The following LRRC38 variants were observed in gnomAD, a reference collection of about 807,000 sequenced individuals.
The protein encoded by LRRC38 is leucine rich repeat containing 38.
A neutral mutation model predicts 16.4 loss-of-function variants in LRRC38; 5 were observed. The observed-to-expected ratio is 0.31, with a 90% confidence interval of 0.16 to 0.64. The LOEUF is 0.64. LRRC38 is among the 30% of genes least tolerant of loss of function. LRRC38 has a pLI of 0.80. For synonymous variants in LRRC38, 191 were observed against 190.2 expected, an observed-to-expected ratio of 1.00 and a Z score of -0.04; for missense variants, 341 against 401.8, an observed-to-expected ratio of 0.85 and a Z score of 1.29.
chr1:13,498,483 T>TA (rs1360488630), intron 1 of LRRC38, among the ~76,000 whole-genome samples: 2 of 151,748 alleles, frequency 1.3e-5, no homozygotes, highest in African/African-American at 4.8e-5. Flanking sequence ...ATACAAAAAT[T>TA]ACCCAGGCGT....
At chr1:13,507,361 T>G (rs1197033897) in intron 1 of LRRC38, among the ~76,000 whole-genome samples, 1 of 151,988 alleles carries the variant, frequency 6.6e-6, no homozygotes, top group Non-Finnish European at 1.5e-5. Context: ...AGGACAGAGG[T>G]CACTTGCATG....
intron 1 of LRRC38, among the ~76,000 whole-genome samples, chr1:13,491,234 C>CCACAACA (rs1250897475): frequency 6.6e-6 from 1 of 152,220 alleles, no homozygotes; most frequent in African/African-American, 2.4e-5. Flanking sequence ...AAGACAGCAC[C>CCACAACA]CACAACACAG....
intron 1 of LRRC38, among the ~76,000 whole-genome samples, chr1:13,480,600 C>T (rs1341026441): frequency 2.0e-5 from 3 of 152,150 alleles, no homozygotes; most frequent in African/African-American, 4.8e-5. Flanking sequence ...AATTGAATCA[C>T]GGGGTTGGTA....
At chr1:13,509,935 CT>C (rs1387607241) in intron 1 of LRRC38, among the ~76,000 whole-genome samples, 1 of 152,170 alleles carries the variant, frequency 6.6e-6, no homozygotes, top group Non-Finnish European at 1.5e-5. Context: ...CCTCAGCCCC[CT>C]ACCCCCAGGC....
chr1:13,490,254 G>A (rs1638993832), intron 1 of LRRC38, among the ~76,000 whole-genome samples: 1 of 152,088 alleles, frequency 6.6e-6, no homozygotes, highest in Non-Finnish European at 1.5e-5. Flanking sequence ...CGCCTCTCGG[G>A]TTCAAGCGAT....
In LRRC38 at chr1:13,475,809, G is replaced by T. The variant is rs200048884; in HGVS notation, c.*37C>A. 1 of 1,538,734 alleles carries T rather than the reference G, an allele frequency of 6.5e-7. No individual in the cohort carries two copies. The highest frequency in any genetic ancestry group is 1.4e-5 in the African/African-American group (1 of 72,858). Reference sequence around the variant, plus strand: ...TCGTCTTGGAGAGAGCTTCTGGTTCGGTGCTGGAGAGTAAGAGGCAGGAGG... The same window carrying T: ...TCGTCTTGGAGAGAGCTTCTGGTTCTGTGCTGGAGAGTAAGAGGCAGGAGG... On this transcript the variant is annotated 3_prime_UTR_variant, in exon 2 of 2. Coordinates refer to ENST00000376085, the MANE Select transcript of LRRC38 (RefSeq NM_001010847.2). This position sits in a 1 kb window ranked among gnomAD's most constrained non-coding sequence, Gnocchi z 4.3.
chr1:13,497,306 T>C (rs1485458498), intron 1 of LRRC38, among the ~76,000 whole-genome samples: 1 of 152,140 alleles, frequency 6.6e-6, no homozygotes, highest in Admixed American at 6.5e-5. Flanking sequence ...TTTTAACAAG[T>C]GTTTAATGCA....
At chr1:13,477,840 A>G (rs993225404) in intron 1 of LRRC38, among the ~76,000 whole-genome samples, 1 of 152,202 alleles carries the variant, frequency 6.6e-6, no homozygotes, top group Non-Finnish European at 1.5e-5. Flanking sequence ...AAATGTTGGG[A>G]AAGAGCTCAG....
chr1:13,513,176 GGTT>G lies in LRRC38; in HGVS notation c.415_417del (p.Asn139del). ...AAGGCGTCCTCGTGCACGCCCACCA[GGTT>G]GTTGTTAGCCAGGCTAAGCTTCACC... On this transcript the variant is annotated inframe_deletion, in exon 1 of 2. Transcript: ENST00000376085. 2 of 1,550,540 alleles carry G rather than the reference GGTT, an allele frequency of 1.3e-6. No homozygotes were observed. The highest frequency in any genetic ancestry group is 1.7e-6 in the Non-Finnish European group (2 of 1,146,960).
In LRRC38 at chr1:13,512,022, C is replaced by T. The variant is rs947744524; in HGVS notation, c.631+941G>A. Among the ~76,000 whole-genome samples, 11 of 152,208 alleles carry T rather than the reference C, an allele frequency of 7.2e-5. 1 individual carries two copies. Among genetic ancestry groups the T allele is most frequent in the Admixed American group, 3.3e-4 (5 of 15,278 alleles). On this transcript the variant is annotated intron_variant, in intron 1 of 1. Transcript: ENST00000376085. ...ATGATGTGCGCCTTGCAGCTGTGGTCCCAATTCTGCTGAAATCTTGGGAGC... is the reference window on the plus strand; with the variant it reads ...ATGATGTGCGCCTTGCAGCTGTGGTTCCAATTCTGCTGAAATCTTGGGAGC...
chr1:13,494,462 ACTCT>A (rs1191550993), intron 1 of LRRC38, among the ~76,000 whole-genome samples: 1 of 137,700 alleles, frequency 7.3e-6, no homozygotes, highest in Non-Finnish European at 1.5e-5. Flanking sequence ...TTTTACAGGG[ACTCT>A]CTCTCTGGCC....
intron 1 of LRRC38, 40 bp downstream of exon 1, chr1:13,512,923 C>T (rs1241466680): frequency 8.1e-7 from 1 of 1,238,394 alleles, no homozygotes; most frequent in Non-Finnish European, 1.1e-6. Flanking sequence ...CTCTCCCTGC[C>T]CCCCTCCCTC....
At chr1:13,502,478 C>T (rs1186204112) in intron 1 of LRRC38, among the ~76,000 whole-genome samples, 1 of 152,120 alleles carries the variant, frequency 6.6e-6, no homozygotes, top group Non-Finnish European at 1.5e-5. Context: ...CTGACTCCTG[C>T]ACACACAAAT....
At chr1:13,500,525 T>C (rs181667033) in intron 1 of LRRC38, among the ~76,000 whole-genome samples, 25 of 152,312 alleles carry the variant, frequency 1.6e-4, no homozygotes, top group Non-Finnish European at 7.3e-5. Context: ...CTGTCTCTTA[T>C]TTACCTATGA....
Position 13,495,720 on chromosome 1 carries a change from G to A in LRRC38, c.631+17243C>T, listed in dbSNP as rs545660605. On this transcript the variant is annotated intron_variant, in intron 1 of 1. Coordinates refer to ENST00000376085, the MANE Select transcript of LRRC38 (RefSeq NM_001010847.2). ...TTTGGACTCTGCTTGAATGCCCCTG[G>A]TGATGGCAACCTCATTACCTCCCAA... Among the ~76,000 whole-genome samples, 21 of 152,072 alleles carry A rather than the reference G, an allele frequency of 1.4e-4. 1 individual carries two copies. The highest frequency in any genetic ancestry group is 1.2e-3 in the Admixed American group (19 of 15,258).
At chr1:13,490,203 C>G (rs1638992331) in intron 1 of LRRC38, among the ~76,000 whole-genome samples, 2 of 152,142 alleles carry the variant, frequency 1.3e-5, no homozygotes, top group African/African-American at 4.8e-5. Flanking sequence ...GTCGCCCAGG[C>G]TGGAGTACAG....
rs530871469 is a variant in LRRC38 at position 13,481,619 on chromosome 1, C to T, written c.632-5520G>A. 5.2e-4 allele frequency among the ~76,000 whole-genome samples: 79 copies of T among 151,406 alleles called. 1 individual carries two copies. Among genetic ancestry groups the T allele is most frequent in the East Asian group, 1.4e-3 (7 of 5,090 alleles). Reference sequence around the variant, plus strand: ...ACCGTGTTAGCCAGGATTGTCTCCACCTCCTGACCTTGTGATCCGCCCGCC... The same window carrying T: ...ACCGTGTTAGCCAGGATTGTCTCCATCTCCTGACCTTGTGATCCGCCCGCC... On this transcript the variant is annotated intron_variant, in intron 1 of 1. Transcript: ENST00000376085.
chr1:13,492,499 G>A (rs188768628), intron 1 of LRRC38, among the ~76,000 whole-genome samples: 5 of 152,192 alleles, frequency 3.3e-5, no homozygotes, highest in East Asian at 1.9e-4. Flanking sequence ...TCAGGAGCTC[G>A]AGACCAGCCT....
chr1:13,497,027 C>G (rs1639088581), intron 1 of LRRC38, among the ~76,000 whole-genome samples: 4 of 152,042 alleles, frequency 2.6e-5, no homozygotes, highest in Admixed American at 2.0e-4. Context: ...CTGATGAACT[C>G]AAGGAATGAC....
Sources: gnomAD v4.1 joint callset for allele counts (sites outside exome capture counted in the v4.1 genomes callset) on GRCh38, gnomAD v4.1.1 for gene constraint, Gnocchi (gnomAD v3.1) non-coding constraint, MANE v1.5 for transcripts, NCBI Gene and HGNC (gene_info 2026-07-23, HGNC 2026-07-21) for gene names.